THSD7A: variants seen among roughly 807,000 people sequenced by gnomAD.
THSD7A encodes thrombospondin type 1 domain containing 7A, also known as thrombospondin type-1 domain-containing protein 7A.
A neutral mutation model predicts 231.3 loss-of-function variants in THSD7A; 96 were observed. The ratio of observed to expected loss-of-function variants is 0.41; its 90% CI spans 0.35 to 0.49. The LOEUF is 0.49. THSD7A is among the 20% of genes least tolerant of loss of function. THSD7A has a pLI of 0.05. For synonymous variants in THSD7A, 940 were observed against 743.3 expected (o/e 1.26, Z -4.30); for missense variants, 2,290 against 2,070.2 (o/e 1.11, Z -2.06).
At chr7:11,672,297 A>G (rs1006317895) in intron 1 of THSD7A, among the ~76,000 whole-genome samples, 2 of 152,066 alleles carry the variant, frequency 1.3e-5, no homozygotes, top group African/African-American at 4.8e-5. Context: ...TGGTTGATAT[A>G]TTATTTGTTT....
At position 11,444,791 on chromosome 7, in the gene THSD7A, G is replaced by T. The variant is rs1255908476; in HGVS notation, c.3064+1270C>A. Among the ~76,000 whole-genome samples the T allele has an allele frequency of 7.0e-6, 1 of 142,982 alleles. No homozygotes were observed. Among genetic ancestry groups the T allele is most frequent in the Non-Finnish European group, 1.5e-5 (1 of 67,422 alleles). 93.8% of individuals were successfully genotyped at this position (142,982 alleles called of 152,430 possible). A position where few individuals can be genotyped will look rare whatever the true frequency, so the allele number is the denominator to read the frequency against. On this transcript the variant is annotated intron_variant, in intron 13 of 27. Coordinates refer to ENST00000423059, the MANE Select transcript of THSD7A (RefSeq NM_015204.3). This position sits in a 1 kb window ranked among gnomAD's most constrained non-coding sequence, Gnocchi z 4.2. ...GGGCACAGTTGTCTGCTCTGTGTGTGTGTGTGTGTGTGTGTGTATAAACTA... is the reference window on the plus strand; with the variant it reads ...GGGCACAGTTGTCTGCTCTGTGTGTTTGTGTGTGTGTGTGTGTATAAACTA...
chr7:11,635,933 A>G (rs147922398), intron 2 of THSD7A, among the ~76,000 whole-genome samples, 197 bp downstream of exon 2: 71 of 152,244 alleles, frequency 4.7e-4, no homozygotes, highest in African/African-American at 1.7e-3. Flanking sequence ...AACTCAAGTA[A>G]TACAGGGCCT....
At chr7:11,731,480 G>C (rs1386671415) in intron 1 of THSD7A, among the ~76,000 whole-genome samples, 3 of 151,610 alleles carry the variant, frequency 2.0e-5, no homozygotes, top group Admixed American at 1.3e-4. Context: ...TAATGTCTCA[G>C]AGTTACTAAT....
chr7:11,529,096 G>A (rs1213996286), intron 6 of THSD7A, among the ~76,000 whole-genome samples: 2 of 151,978 alleles, frequency 1.3e-5, no homozygotes, highest in East Asian at 1.9e-4. Flanking sequence ...AATAAAAAAC[G>A]TGCATTTCTA....
At chr7:11,595,482 T>A (rs1243570390) in intron 2 of THSD7A, among the ~76,000 whole-genome samples, 1 of 152,126 alleles carries the variant, frequency 6.6e-6, no homozygotes, top group African/African-American at 2.4e-5. Flanking sequence ...TTTATTTGCT[T>A]GGTTAGCTAA....
chr7:11,825,551 T>C (rs1785000754), intron 1 of THSD7A, among the ~76,000 whole-genome samples: 2 of 152,164 alleles, frequency 1.3e-5, no homozygotes, highest in South Asian at 2.1e-4. Flanking sequence ...TAAACTTAAA[T>C]AGTTTTTGTA....
At chr7:11,519,135 G>A (rs191729293) in intron 6 of THSD7A, among the ~76,000 whole-genome samples, 2 of 151,882 alleles carry the variant, frequency 1.3e-5, no homozygotes, top group African/African-American at 2.4e-5. Context: ...CTTTATTGAA[G>A]TAAAAGTTAT....
At chr7:11,528,314 CTT>C (rs1483215053) in intron 6 of THSD7A, among the ~76,000 whole-genome samples, 2 of 152,166 alleles carry the variant, frequency 1.3e-5, no homozygotes, top group Non-Finnish European at 2.9e-5. Context: ...TCCAATGTCT[CTT>C]TTAATTATTT....
In THSD7A at chr7:11,634,688, A is replaced by G. The variant is rs1781771216; in HGVS notation, c.1022+1442T>C. Among the ~76,000 whole-genome samples, 1 of 152,100 alleles carries G rather than the reference A, an allele frequency of 6.6e-6. No homozygotes were observed. Among genetic ancestry groups the G allele is most frequent in the Non-Finnish European group, 1.5e-5 (1 of 68,016 alleles). On this transcript the variant is annotated intron_variant, in intron 2 of 27. Transcript: ENST00000423059. This position sits in a 1 kb window ranked among gnomAD's most constrained non-coding sequence, Gnocchi z 4.1. ...AACAACAGCCTTCATTCAAGGCCAC[A>G]GGACCAGAACTAGAATGGAAAAAGG...
chr7:11,820,295 G>C (rs543249441), intron 1 of THSD7A: 1 of 556,470 alleles, frequency 1.8e-6, no homozygotes, highest in African/African-American at 2.0e-5. Context: ...CCCTGGGCAA[G>C]GAATTCCGTA....
chr7:11,454,643 A>T lies in THSD7A; in HGVS notation c.2605+6019T>A, dbSNP rs183462585. ...ATTATTATGACTTGTAACCCAAGTC[A>T]TGTATACCTATAGTATATTTTCTAC... On this transcript the variant is annotated intron_variant, in intron 11 of 27. Coordinates refer to ENST00000423059, the MANE Select transcript of THSD7A (RefSeq NM_015204.3). 5.3e-5 allele frequency among the ~76,000 whole-genome samples: 8 copies of T among 151,652 alleles called. No homozygotes were observed. In the East Asian group the frequency reaches 1.6e-3, roughly 30 times the overall value.
chr7:11,396,549 G>A (rs1412913003), intron 23 of THSD7A, among the ~76,000 whole-genome samples: 1 of 152,044 alleles, frequency 6.6e-6, no homozygotes, highest in Non-Finnish European at 1.5e-5. Flanking sequence ...AGAAATTCCT[G>A]GAAACATACT....
chr7:11,736,738 C>T (rs1781928729), intron 1 of THSD7A, among the ~76,000 whole-genome samples: 2 of 151,828 alleles, frequency 1.3e-5, no homozygotes, highest in Admixed American at 1.3e-4. Context: ...TGAAGAAAAA[C>T]ACATTCTGGC....
intron 14 of THSD7A, among the ~76,000 whole-genome samples, chr7:11,428,301 A>T (rs1048388592): frequency 1.3e-5 from 2 of 152,168 alleles, no homozygotes; most frequent in African/African-American, 4.8e-5. Flanking sequence ...AATCAGTCAC[A>T]ATTCCTCCAT....
chr7:11,485,440 T>C (rs1786614592), intron 6 of THSD7A, among the ~76,000 whole-genome samples: 1 of 152,226 alleles, frequency 6.6e-6, no homozygotes, highest in Admixed American at 6.5e-5. Context: ...CAATGAATAG[T>C]TGCTGAATGC....
chr7:11,790,450 T>A (rs571121342), intron 1 of THSD7A, among the ~76,000 whole-genome samples: 1 of 152,136 alleles, frequency 6.6e-6, no homozygotes, highest in African/African-American at 2.4e-5. Context: ...TAAATTTTTA[T>A]ATGTTGGTTC....
chr7:11,782,572 T>C (rs1583287156), intron 1 of THSD7A, among the ~76,000 whole-genome samples: 2 of 152,242 alleles, frequency 1.3e-5, no homozygotes, highest in Middle Eastern at 6.8e-3. Flanking sequence ...TCATGGTATC[T>C]TTCAAAGTTC....
intron 25 of THSD7A, 65 bp downstream of exon 25, chr7:11,379,565 C>G: frequency 1.4e-6 from 2 of 1,392,994 alleles, no homozygotes. Flanking sequence ...AGATAAACTG[C>G]ATAAGAGACA....
At chr7:11,588,122 T>C (rs1779992899) in intron 4 of THSD7A, among the ~76,000 whole-genome samples, 1 of 152,198 alleles carries the variant, frequency 6.6e-6, no homozygotes, top group Admixed American at 6.5e-5. Flanking sequence ...CTCTCTTTTA[T>C]AAGATAAGCT....
Sources: gnomAD v4.1 joint callset for allele counts (sites outside exome capture counted in the v4.1 genomes callset) on GRCh38, gnomAD v4.1.1 for gene constraint, Gnocchi (gnomAD v3.1) non-coding constraint, MANE v1.5 for transcripts, NCBI Gene and HGNC (gene_info 2026-07-23, HGNC 2026-07-21) for gene names.